Variants in ADAM2 observed in about 807,000 individuals in gnomAD.
ADAM2 encodes ADAM metallopeptidase domain 2.
ADAM2 carries 101 observed loss-of-function variants against 99.3 expected under a neutral mutation model. The ratio of observed to expected loss-of-function variants is 1.02; its 90% confidence interval spans 0.87 to 1.20. The LOEUF (loss-of-function observed/expected upper bound fraction) is 1.20. Among genes scored for constraint, ADAM2 ranks in the 50% most tolerant of loss-of-function variants. ADAM2 has a pLI of 0.00. For missense variants in ADAM2, 948 were observed against 878.7 expected, an observed-to-expected ratio of 1.08 and a Z score of -1.00; for synonymous variants, 323 against 287.6, an observed-to-expected ratio of 1.12 and a Z score of -1.25.
At chr8:39,821,503 C>G in intron 5 of ADAM2, 83 bp downstream of exon 5, 1 of 1,093,494 alleles carries the variant, frequency 9.1e-7, no homozygotes, top group Non-Finnish European at 1.3e-6. Context: ...CACTTTAGAA[C>G]CACTGAATAT....
intron 6 of ADAM2, among the ~76,000 whole-genome samples, chr8:39,811,546 G>A (rs948187395): frequency 5.3e-5 from 8 of 152,218 alleles, no homozygotes; most frequent in African/African-American, 4.8e-5. Context: ...CTGGCAAACC[G>A]AATCCAGCAG....
intron 14 of ADAM2, among the ~76,000 whole-genome samples, chr8:39,765,336 C>T (rs1337801561): frequency 6.6e-6 from 1 of 151,874 alleles, no homozygotes; most frequent in African/African-American, 2.4e-5. Context: ...ACTCTGGGTC[C>T]ATATAATTGA....
chr8:39,772,057 C>T (rs1359881409), intron 11 of ADAM2, among the ~76,000 whole-genome samples: 1 of 148,058 alleles, frequency 6.8e-6, no homozygotes, highest in Non-Finnish European at 1.5e-5. Context: ...TGCACATGTA[C>T]CCTAGAACTT....
intron 10 of ADAM2, among the ~76,000 whole-genome samples, chr8:39,782,938 C>G (rs1336166297): frequency 6.6e-6 from 1 of 152,006 alleles, no homozygotes; most frequent in Admixed American, 6.5e-5. Context: ...ATCTATAATG[C>G]TTTTTGGAGA....
chr8:39,771,908 G>A (rs1802794539), intron 11 of ADAM2, among the ~76,000 whole-genome samples: 1 of 151,940 alleles, frequency 6.6e-6, no homozygotes, highest in Admixed American at 6.6e-5. Context: ...ACACTTTCTG[G>A]TAATGAAATT....
At chr8:39,796,013 C>T (rs2129585980) in intron 7 of ADAM2, among the ~76,000 whole-genome samples, 1 of 152,066 alleles carries the variant, frequency 6.6e-6, no homozygotes, top group South Asian at 2.1e-4. Context: ...AGAAAAAGAA[C>T]ATGTGTCAGA....
Position 39,838,145 on chromosome 8 carries a change from A to G in ADAM2, c.41T>C (p.Leu14Pro). 6.2e-7 allele frequency: 1 copy of G among 1,614,132 alleles called. No individual in the cohort carries two copies. Among genetic ancestry groups the G allele is most frequent in the Non-Finnish European group, 8.5e-7 (1 of 1,180,030 alleles). ...VLFLLSGLGG[L>P]RMDSNFDSLP... ...TTTCTGCTTACTACTGTCCATCCGC[A>G]GCCCGCCGAGCCCGCTGAGCAGAAA... The change falls in exon 1 of 21, where the codon CTG (leucine) becomes CCG (proline). Residue 14 changes from leucine to proline, a missense_variant. Physicochemically the swap from Leu to Pro is moderately conservative, Grantham distance 98. Transcript: ENST00000265708.
chr8:39,815,131 A>C (rs1804887374), intron 6 of ADAM2, among the ~76,000 whole-genome samples: 2 of 152,092 alleles, frequency 1.3e-5, no homozygotes, highest in Admixed American at 1.3e-4. Flanking sequence ...TGAAATGAAT[A>C]GTTAATGAGC....
At chr8:39,752,342 TGGCA>T (rs1217918739) in intron 16 of ADAM2, among the ~76,000 whole-genome samples, 2 of 152,138 alleles carry the variant, frequency 1.3e-5, no homozygotes, top group Non-Finnish European at 2.9e-5. Context: ...ATAGGAGCTC[TGGCA>T]ACAGTCAAAG....
At chr8:39,801,912 C>T (rs1027410068) in intron 7 of ADAM2, among the ~76,000 whole-genome samples, 2 of 152,142 alleles carry the variant, frequency 1.3e-5, no homozygotes, top group African/African-American at 4.8e-5. Flanking sequence ...ATGGGTGCCG[C>T]CCTTCCCCCG....
At chr8:39,836,017 A>C (rs1012689857) in intron 2 of ADAM2, among the ~76,000 whole-genome samples, 2 of 152,022 alleles carry the variant, frequency 1.3e-5, no homozygotes, top group South Asian at 2.1e-4. Flanking sequence ...CAAAATCAAA[A>C]AGGAACTTTT....
At chr8:39,773,467 T>C (rs1445917240) in intron 11 of ADAM2, among the ~76,000 whole-genome samples, 1 of 151,696 alleles carries the variant, frequency 6.6e-6, no homozygotes. Flanking sequence ...TCAATGTAAT[T>C]AAAATATGAT....
At chr8:39,837,381 G>GTTT (rs112475501) in intron 1 of ADAM2, among the ~76,000 whole-genome samples, 169 bp from the exon 2 acceptor site, 5 of 142,438 alleles carry the variant, frequency 3.5e-5, no homozygotes, top group African/African-American at 1.3e-4. Flanking sequence ...CTGTTTTTCT[G>GTTT]TTTTTTTTTT....
At chr8:39,813,132 A>G (rs915120036) in intron 6 of ADAM2, among the ~76,000 whole-genome samples, 16 of 152,218 alleles carry the variant, frequency 1.1e-4, no homozygotes, top group Non-Finnish European at 1.6e-4. Flanking sequence ...CACTTCTCAA[A>G]AGAAGACGTT....
intron 6 of ADAM2, among the ~76,000 whole-genome samples, chr8:39,820,728 GAAAGGAGTACATCTGCTGACAAT>G (rs1249075165): frequency 6.6e-6 from 1 of 152,102 alleles, no homozygotes; most frequent in Non-Finnish European, 1.5e-5. Context: ...TGGCTATGGG[GAAAGGAGTACATCTGCTGACAAT>G]AAAGGTCTAG....
chr8:39,766,643 G>A (rs939720198), intron 14 of ADAM2, among the ~76,000 whole-genome samples: 1 of 151,960 alleles, frequency 6.6e-6, no homozygotes, highest in Non-Finnish European at 1.5e-5. Flanking sequence ...CCTGATCTTG[G>A]GTGATCTGCC....
At chr8:39,802,254 G>A (rs1804248019) in intron 7 of ADAM2, among the ~76,000 whole-genome samples, 1 of 152,154 alleles carries the variant, frequency 6.6e-6, no homozygotes, top group African/African-American at 2.4e-5. Flanking sequence ...CGGCTCTCAG[G>A]TGGGCTGCCA....
intron 7 of ADAM2, among the ~76,000 whole-genome samples, chr8:39,797,019 G>T (rs889381743): frequency 6.6e-6 from 1 of 152,088 alleles, no homozygotes; most frequent in Admixed American, 6.6e-5. Context: ...TCTGATGATA[G>T]TTTCTTTTGC....
intron 19 of ADAM2, 81 bp from the exon 20 acceptor site, chr8:39,744,974 A>G: frequency 2.6e-6 from 3 of 1,166,288 alleles, no homozygotes; most frequent in Admixed American, 4.3e-5. Context: ...CAGTCTTGAA[A>G]CAGTTCTGAA....
Sources: allele counts gnomAD v4.1 joint callset (sites outside exome capture counted in the v4.1 genomes callset), GRCh38; gene constraint gnomAD v4.1.1; transcripts MANE v1.5; gene names NCBI Gene and HGNC (gene_info 2026-07-23, HGNC 2026-07-21).